The following ABCF2 variants were observed in gnomAD, a reference collection of about 807,000 sequenced individuals.
ABCF2 encodes ATP-binding cassette sub-family F member 2.
Under a neutral mutation model 76.9 loss-of-function variants are expected in ABCF2, and 37 were observed. The ratio of observed to expected loss-of-function variants is 0.48; its 90% CI spans 0.37 to 0.63. The LOEUF is 0.63. ABCF2 is among the 30% of genes least tolerant of loss of function. The pLI, the probability that ABCF2 is intolerant of heterozygous loss-of-function variation, is 0.00. For synonymous variants in ABCF2, 299 were observed against 283.7 expected, an observed-to-expected ratio of 1.05 and a Z score of -0.54; for missense variants, 524 against 782.1, an observed-to-expected ratio of 0.67 and a Z score of 3.94.
Position 151,214,790 on chromosome 7 carries a change from C to A in ABCF2, c.1734+89G>T, listed in dbSNP as rs1384548137. On this transcript the variant is annotated intron_variant, in intron 14 of 14. Coordinates refer to ENST00000287844, the MANE Select transcript of ABCF2 (RefSeq NM_007189.3). The surrounding 1 kb of genome is among the most constrained non-coding windows in gnomAD (Gnocchi z 4.9). The stretch of plus-strand genomic sequence containing the variant: ...GAGCCCCTTCTCTTAATTCAGTAGG[C>A]GGGTATTATGCACCCTCCACATGCC... 4 of 1,239,832 alleles carry A rather than the reference C, an allele frequency of 3.2e-6. No individual in the cohort carries two copies. The highest frequency in any genetic ancestry group is 3.5e-5 in the Admixed American group (2 of 56,970). The allele number at this position is 1,239,832 out of a possible 1,614,324, so 76.8% of individuals were successfully genotyped here.
Position 151,215,056 on chromosome 7 carries a change from G to C in ABCF2, c.1557C>G (p.Asp519Glu), listed in dbSNP as rs545658338. The C allele has an allele frequency of 1.9e-6, 3 of 1,613,900 alleles. No homozygotes were observed. The highest frequency in any genetic ancestry group is 2.5e-6 in the Non-Finnish European group (3 of 1,179,922). The change falls in exon 14 of 15, where the codon GAC becomes GAG. Residue 519 changes from aspartate (D) to glutamate (E), a missense_variant. Asp to Glu is a conservative substitution (Grantham distance 45). Coordinates refer to ENST00000287844, the MANE Select transcript of ABCF2 (RefSeq NM_007189.3). The surrounding 1 kb of genome is among the most constrained non-coding windows in gnomAD (Gnocchi z 4.6). ...QQVSPIRNLS[D>E]GQKCRVCLAW... ...CCAGACACACTCGGCACTTCTGCCCGTCTGACAAGTTCCGGATTGGGCTCA... is the reference window on the plus strand; with the variant it reads ...CCAGACACACTCGGCACTTCTGCCCCTCTGACAAGTTCCGGATTGGGCTCA...
chr7:151,217,946 C>T (rs1190316528), intron 11 of ABCF2, 135 bp downstream of exon 11: 2 of 648,940 alleles, frequency 3.1e-6, no homozygotes, highest in Non-Finnish European at 5.5e-6. Flanking sequence ...GCTGCTGCTC[C>T]ACCCCTCCAG....
In ABCF2 at chr7:151,213,491, A is replaced by AGAAG. The variant is rs138085673; in HGVS notation, c.*559_*562dup. The AGAAG allele has an allele frequency of 2.3e-4, 228 of 985,666 alleles. No individual in the cohort carries two copies. Among genetic ancestry groups the AGAAG allele is most frequent in the Non-Finnish European group, 2.6e-4 (218 of 830,254 alleles). The allele number at this position is 985,666 out of a possible 1,614,324, so 61.1% of individuals were successfully genotyped here. ...GGGAGGAGAAGGCCCCAGAGACCCG[A>AGAAG]GAAGGAAGGTAGGGACCGTGGCTTC... On this transcript the variant is annotated 3_prime_UTR_variant, in exon 15 of 15. Coordinates refer to ENST00000287844, the MANE Select transcript of ABCF2 (RefSeq NM_007189.3).
chr7:151,215,783 A>G lies in ABCF2; in HGVS notation c.1402-51T>C, dbSNP rs772514807. On this transcript the variant is annotated intron_variant, in intron 12 of 14. Coordinates refer to ENST00000287844, the MANE Select transcript of ABCF2 (RefSeq NM_007189.3). The surrounding 1 kb of genome is among the most constrained non-coding windows in gnomAD (Gnocchi z 4.6). The stretch of plus-strand genomic sequence containing the variant: ...GGTGTGACTGGCATCCCGCTTCAAA[A>G]TAAACCCTACTAGGTAACTTCCTAT... The G allele has an allele frequency of 3.1e-6, 5 of 1,613,412 alleles. No homozygotes were observed. Among genetic ancestry groups the G allele is most frequent in the Non-Finnish European group, 4.2e-6 (5 of 1,179,556 alleles).
At chr7:151,224,672 AT>A in intron 3 of ABCF2, 103 bp downstream of exon 3, 1 of 1,096,904 alleles carries the variant, frequency 9.1e-7, no homozygotes. Flanking sequence ...TCCCATCCCT[AT>A]TCTAAATGCT....
chr7:151,215,377 G>A lies in ABCF2; in HGVS notation c.1530+227C>T, dbSNP rs1400980540. ...AGTTCCTTTGCCCTCAAGCACTATGGCACAAGGGCATGTCAGAGACTGGCA... is the reference window on the plus strand; with the variant it reads ...AGTTCCTTTGCCCTCAAGCACTATGACACAAGGGCATGTCAGAGACTGGCA... On this transcript the variant is annotated intron_variant, in intron 13 of 14. Coordinates refer to ENST00000287844, the MANE Select transcript of ABCF2 (RefSeq NM_007189.3). The surrounding 1 kb of genome is among the most constrained non-coding windows in gnomAD (Gnocchi z 4.6). Among the ~76,000 whole-genome samples the A allele has an allele frequency of 6.6e-6, 1 of 152,128 alleles. No individual in the cohort carries two copies. Among genetic ancestry groups the A allele is most frequent in the Non-Finnish European group, 1.5e-5 (1 of 68,028 alleles).
Position 151,221,850 on chromosome 7 carries a change from G to A in ABCF2, c.819-170C>T. 4 of 570,486 alleles carry A rather than the reference G, an allele frequency of 7.0e-6. No homozygotes were observed. The South Asian group carries it at 8.0e-5, about 11-fold the overall frequency. The allele number at this position is 570,486 out of a possible 1,614,324, so 35.3% of individuals were successfully genotyped here. ...CACGACTCGACAATCTAACTGTAAG[G>A]GTATTTGGACGCCTTTCAGTGTGGC... On this transcript the variant is annotated intron_variant, in intron 6 of 14. Coordinates refer to ENST00000287844, the MANE Select transcript of ABCF2 (RefSeq NM_007189.3).
rs764036055 is a variant in ABCF2 at position 151,215,769 on chromosome 7, C to T, written c.1402-37G>A. 1.2e-6 allele frequency: 2 copies of T among 1,613,804 alleles called. No individual in the cohort carries two copies. The highest frequency in any genetic ancestry group is 1.1e-5 in the South Asian group (1 of 91,060). On this transcript the variant is annotated intron_variant, in intron 12 of 14. Coordinates refer to ENST00000287844, the MANE Select transcript of ABCF2 (RefSeq NM_007189.3). This position sits in a 1 kb window ranked among gnomAD's most constrained non-coding sequence, Gnocchi z 4.6. ...ATGGAAGCCACCCGGGTGTGACTGG[C>T]ATCCCGCTTCAAAATAAACCCTACT...
rs1458416864 is a variant in ABCF2 at position 151,221,602 on chromosome 7, G to A, written c.897C>T (p.His299=). 6.2e-7 allele frequency: 1 copy of A among 1,602,824 alleles called. No individual in the cohort carries two copies. The highest frequency in any genetic ancestry group is 1.7e-5 in the Admixed American group (1 of 59,864). The change falls in exon 7 of 15, where the codon CAC becomes CAT. Residue 299 remains histidine (H), a synonymous_variant. Transcript: ENST00000287844. ...NGVCTNIIHM[H]NKKLKYYTGN... ...CCGTATAATACTTCAGTTTCTTGTTGTGCATGTGAATGATATTGGTACAGA... is the reference window on the plus strand; with the variant it reads ...CCGTATAATACTTCAGTTTCTTGTTATGCATGTGAATGATATTGGTACAGA...
chr7:151,223,539 AC>A (rs1299158930), intron 5 of ABCF2, 138 bp downstream of exon 5: 2 of 1,003,420 alleles, frequency 2.0e-6, no homozygotes, highest in Non-Finnish European at 1.4e-6. Flanking sequence ...ATACACAACA[AC>A]CCCCTCCACA....
chr7:151,220,869 T>C lies in ABCF2; in HGVS notation c.921+709A>G, dbSNP rs1017486013. Among the ~76,000 whole-genome samples the C allele has an allele frequency of 2.0e-5, 3 of 152,218 alleles. No homozygotes were observed. The East Asian group carries it at 5.8e-4, about 29-fold the overall frequency. On this transcript the variant is annotated intron_variant, in intron 7 of 14. Transcript: ENST00000287844. ...CAGACATGGCAGTGCATGCCTGTAGTCCCAGCTACTCAGAAGGCTGAGGTA... is the reference window on the plus strand; with the variant it reads ...CAGACATGGCAGTGCATGCCTGTAGCCCCAGCTACTCAGAAGGCTGAGGTA...
In ABCF2 at chr7:151,224,027, G is replaced by T. The variant is rs777791424; in HGVS notation, c.455C>A (p.Pro152His). 5 of 1,614,128 alleles carry T rather than the reference G, an allele frequency of 3.1e-6. No individual in the cohort carries two copies. Among genetic ancestry groups the T allele is most frequent in the South Asian group, 1.1e-5 (1 of 91,082 alleles). Residue 152 changes from proline to histidine, a missense_variant, in exon 4 of 15, where the codon CCC (proline) becomes CAC (histidine). This residue lies in a region of ABCF2 where 330 missense variants were observed against 433.6 expected (regional missense o/e 0.76). Transcript: ENST00000287844. ...IDIYHLTREMPPSDKTPLHCV... is the reference protein window; with the variant it reads ...IDIYHLTREMHPSDKTPLHCV... ...ATGCAAGGGTGTCTTGTCACTAGGG[G>T]GCATCTCTCGAGTCAGATGGTAGAT...
At chr7:151,221,472 GATTACAGGC>G (rs112649499) in intron 7 of ABCF2, 97 bp downstream of exon 7, 2 of 808,468 alleles carry the variant, frequency 2.5e-6, no homozygotes, top group Middle Eastern at 4.1e-4. Flanking sequence ...AAAGTGCTGG[GATTACAGGC>G]ATGAGCCACC....
rs748575442 is a variant in ABCF2 at position 151,224,868 on chromosome 7, G to A, written c.275C>T (p.Ser92Leu). 11 of 1,614,100 alleles carry A rather than the reference G, an allele frequency of 6.8e-6. No homozygotes were observed. ...NSTDVHIINLSLTFHGQELLS... is the reference protein window; with the variant it reads ...NSTDVHIINLLLTFHGQELLS... The stretch of plus-strand genomic sequence containing the variant: ...CAGCTCTTGACCATGAAAGGTAAGT[G>A]AGAGGTTGATGATGTGAACATCAGT... Residue 92 changes from serine (S) to leucine (L), a missense_variant, in exon 3 of 15, where the codon TCA (serine) becomes TTA (leucine). Physicochemically the swap from Ser to Leu is moderately radical, Grantham distance 145 (BLOSUM62 -2). Around this residue, in one of 2 missense-constraint regions of ABCF2, gnomAD observed 330 missense variants for 433.6 expected, o/e 0.76. Coordinates refer to ENST00000287844, the MANE Select transcript of ABCF2 (RefSeq NM_007189.3).
At chr7:151,222,791 C>T (rs774025032) in intron 5 of ABCF2, among the ~76,000 whole-genome samples, 175 bp from the exon 6 acceptor site, 2 of 151,926 alleles carry the variant, frequency 1.3e-5, no homozygotes, top group Non-Finnish European at 2.9e-5. Context: ...AAACAAGAGT[C>T]GAAGAGAAGA....
At chr7:151,218,901 T>C (rs1324635526) in intron 8 of ABCF2, 28 bp from the exon 9 acceptor site, 1 of 1,612,104 alleles carries the variant, frequency 6.2e-7, no homozygotes, top group African/African-American at 1.3e-5. Context: ...GAGCTTGGAG[T>C]ATGTGCAGGC....
intron 5 of ABCF2, 145 bp downstream of exon 5, chr7:151,223,533 A>C: frequency 3.1e-6 from 3 of 962,608 alleles, no homozygotes; most frequent in Non-Finnish European, 4.5e-6. Context: ...TAGCCCATAC[A>C]CAACAACCCC....
At chr7:151,225,440 G>C (rs894364187) in intron 2 of ABCF2, among the ~76,000 whole-genome samples, 1 of 152,180 alleles carries the variant, frequency 6.6e-6, no homozygotes, top group African/African-American at 2.4e-5. Flanking sequence ...AGAAACAGGA[G>C]ATACAACATA....
chr7:151,215,573 T>G lies in ABCF2; in HGVS notation c.1530+31A>C. Reference sequence around the variant, plus strand: ...ACCCAGCCACAGTCTGCCAGCTATCTGGCATCCTCACCACACCCTCCTTTA... The same window carrying G: ...ACCCAGCCACAGTCTGCCAGCTATCGGGCATCCTCACCACACCCTCCTTTA... On this transcript the variant is annotated intron_variant, in intron 13 of 14. Coordinates refer to ENST00000287844, the MANE Select transcript of ABCF2 (RefSeq NM_007189.3). The surrounding 1 kb of genome is among the most constrained non-coding windows in gnomAD (Gnocchi z 4.6). The G allele has an allele frequency of 6.2e-7, 1 of 1,612,614 alleles. No individual in the cohort carries two copies. Among genetic ancestry groups the G allele is most frequent in the South Asian group, 1.1e-5 (1 of 91,008 alleles).
Sources: allele counts gnomAD v4.1 joint callset (sites outside exome capture counted in the v4.1 genomes callset), GRCh38; gene constraint gnomAD v4.1.1; regional missense constraint gnomAD v4.1.1; non-coding constraint Gnocchi (gnomAD v3.1); transcripts MANE v1.5; gene names NCBI Gene and HGNC (gene_info 2026-07-23, HGNC 2026-07-21).